Variants in EBF1 observed in about 807,000 individuals in gnomAD.
EBF1 encodes transcription factor COE1.
In EBF1, 10 loss-of-function variants were observed where a neutral mutation model predicts 68.4. The ratio of observed to expected loss-of-function variants is 0.15; its 90% CI spans 0.09 to 0.25. The LOEUF (loss-of-function observed/expected upper bound fraction) is 0.25. EBF1 is among the 10% of genes least tolerant of loss of function. EBF1 has a pLI of 1.00. For synonymous variants in EBF1, 298 were observed against 299.8 expected, an observed-to-expected ratio of 0.99 and a Z score of 0.06; for missense variants, 509 against 794.4, an observed-to-expected ratio of 0.64 and a Z score of 4.32.
At chr5:159,059,420 A>G (rs1389625370) in intron 6 of EBF1, among the ~76,000 whole-genome samples, 1 of 152,186 alleles carries the variant, frequency 6.6e-6, no homozygotes, top group Admixed American at 6.5e-5. Flanking sequence ...ATTTTGAAAG[A>G]ATCACTATTA....
At chr5:158,808,212 A>G (rs1050954552) in intron 8 of EBF1, among the ~76,000 whole-genome samples, 16 of 151,780 alleles carry the variant, frequency 1.1e-4, no homozygotes, top group Non-Finnish European at 4.4e-5. Context: ...TTTCATCTCA[A>G]CTCTATGATG....
At chr5:158,791,919 C>A (rs1279667195) in intron 9 of EBF1, among the ~76,000 whole-genome samples, 2 of 152,114 alleles carry the variant, frequency 1.3e-5, no homozygotes, top group African/African-American at 4.8e-5. Context: ...GCTAGACACC[C>A]AGCAGGCAAG....
chr5:158,959,452 T>G (rs1186529713), intron 6 of EBF1, among the ~76,000 whole-genome samples: 1 of 151,924 alleles, frequency 6.6e-6, no homozygotes, highest in Admixed American at 6.6e-5. Context: ...CCACCACACC[T>G]GGAAGATTTT....
At chr5:159,063,802 G>C (rs1446478698) in intron 6 of EBF1, among the ~76,000 whole-genome samples, 1 of 152,178 alleles carries the variant, frequency 6.6e-6, no homozygotes, top group Non-Finnish European at 1.5e-5. Flanking sequence ...TGCTCAAATT[G>C]CAAGAGCTAC....
At chr5:159,034,577 G>A (rs889036172) in intron 6 of EBF1, among the ~76,000 whole-genome samples, 9 of 152,146 alleles carry the variant, frequency 5.9e-5, no homozygotes, top group Non-Finnish European at 1.0e-4. Flanking sequence ...TGCTTCCAGC[G>A]AGGCCTGACA....
intron 6 of EBF1, among the ~76,000 whole-genome samples, chr5:159,033,571 G>A (rs1383574064): frequency 6.6e-6 from 1 of 152,200 alleles, no homozygotes; most frequent in African/African-American, 2.4e-5. Context: ...TATCTTGACA[G>A]TGAGAGCTCA....
intron 11 of EBF1, among the ~76,000 whole-genome samples, chr5:158,715,334 A>G (rs1760417981): frequency 6.6e-6 from 1 of 152,214 alleles, no homozygotes; most frequent in African/African-American, 2.4e-5. Context: ...GAAAATAGGG[A>G]GATAATCGCA....
chr5:158,840,006 C>G, intron 7 of EBF1, 23 bp downstream of exon 7: 1 of 1,606,474 alleles, frequency 6.2e-7, no homozygotes, highest in Non-Finnish European at 8.5e-7. Context: ...TATTGAGATT[C>G]AAGAAAGATA....
chr5:158,699,179 C>A lies in EBF1; in HGVS notation c.1745-37G>T, dbSNP rs199602079. The A allele has an allele frequency of 1.8e-5, 29 of 1,571,154 alleles. No homozygotes were observed. In the African/African-American group the frequency reaches 2.9e-4, roughly 16 times the overall value. ...AAGACAGAAGTCAATGGTTTCTTTG[C>A]GTTCAAACTTCTCACTGAGAAAAAT... is the stretch of plus-strand genomic sequence containing the variant. On this transcript the variant is annotated intron_variant, in intron 15 of 15. Transcript: ENST00000313708.
chr5:158,971,033 T>C (rs931636022), intron 6 of EBF1, among the ~76,000 whole-genome samples: 2 of 152,142 alleles, frequency 1.3e-5, no homozygotes, highest in African/African-American at 4.8e-5. Flanking sequence ...TCTGGTAGCA[T>C]GGAGGTGAAG....
At chr5:158,955,714 G>T (rs1816918454) in intron 6 of EBF1, among the ~76,000 whole-genome samples, 1 of 152,166 alleles carries the variant, frequency 6.6e-6, no homozygotes, top group Non-Finnish European at 1.5e-5. Context: ...GATCTAAAAT[G>T]ATCTTTAATC....
intron 6 of EBF1, among the ~76,000 whole-genome samples, chr5:159,002,912 A>T (rs1169820183): frequency 1.3e-5 from 2 of 152,260 alleles, no homozygotes; most frequent in African/African-American, 4.8e-5. Flanking sequence ...GCAGCTGTGT[A>T]GGAAAGTTGA....
intron 6 of EBF1, among the ~76,000 whole-genome samples, chr5:159,013,737 G>A (rs983444380): frequency 1.3e-5 from 2 of 152,126 alleles, no homozygotes; most frequent in African/African-American, 4.8e-5. Context: ...CCTATCGGCT[G>A]TACTAACACC....
rs1403901618 is a variant in EBF1, at chr5:158,699,259, A to T, written c.1745-117T>A. ...CACACAACTATGTTGTTCGACTATT[A>T]GCCACAAATTTGCTCTCATCTTCTC... On this transcript the variant is annotated intron_variant, in intron 15 of 15. Transcript: ENST00000313708. 5 of 1,050,464 alleles carry T rather than the reference A, an allele frequency of 4.8e-6. No homozygotes were observed. The East Asian group carries it at 1.3e-4, about 27-fold the overall frequency. The allele number at this position is 1,050,464 out of a possible 1,614,324, so 65.1% of individuals were successfully genotyped here. A position where few individuals can be genotyped will look rare whatever the true frequency, so the allele number is the denominator to read the frequency against.
At chr5:158,833,929 A>T (rs1267937830) in intron 7 of EBF1, among the ~76,000 whole-genome samples, 1 of 152,214 alleles carries the variant, frequency 6.6e-6, no homozygotes, top group Non-Finnish European at 1.5e-5. Context: ...AATAAATATT[A>T]CTGAATGCAC....
intron 10 of EBF1, among the ~76,000 whole-genome samples, chr5:158,742,675 G>A (rs572713447): frequency 3.9e-5 from 6 of 152,270 alleles, no homozygotes; most frequent in African/African-American, 1.2e-4. Flanking sequence ...CTAGAACAGC[G>A]GGTGTGTTAC....
chr5:158,824,110 G>C (rs947825569), intron 7 of EBF1, among the ~76,000 whole-genome samples: 5 of 152,084 alleles, frequency 3.3e-5, no homozygotes, highest in African/African-American at 9.7e-5. Context: ...TATTAAATGG[G>C]GAAAGGGATT....
chr5:158,960,888 C>T (rs1054961821), intron 6 of EBF1, among the ~76,000 whole-genome samples: 1 of 152,178 alleles, frequency 6.6e-6, no homozygotes, highest in Non-Finnish European at 1.5e-5. Context: ...GAACGAACTA[C>T]CTTGGAAACA....
chr5:158,862,733 C>T (rs1187161272), intron 6 of EBF1, among the ~76,000 whole-genome samples: 1 of 152,064 alleles, frequency 6.6e-6, no homozygotes, highest in Non-Finnish European at 1.5e-5. Flanking sequence ...TATATCCTCC[C>T]TGAGAAACTG....
Sources: allele counts gnomAD v4.1 joint callset (sites outside exome capture counted in the v4.1 genomes callset), GRCh38; gene constraint gnomAD v4.1.1; transcripts MANE v1.5; gene names NCBI Gene and HGNC (gene_info 2026-07-23, HGNC 2026-07-21).